The following MUC5AC variants were observed in gnomAD, a reference collection of about 807,000 sequenced individuals.
MUC5AC encodes mucin-5AC.
In MUC5AC, 158 loss-of-function variants were observed where a neutral mutation model predicts 169.7. That is an observed-to-expected ratio of 0.93 (90% CI 0.82 to 1.06). MUC5AC has a LOEUF of 1.06. Among genes scored for constraint, MUC5AC ranks in the 50% least tolerant of loss-of-function variants. The pLI is 0.00. For synonymous variants in MUC5AC, 1,975 were observed against 1,237.0 expected, an observed-to-expected ratio of 1.60 and a Z score of -12.52; for missense variants, 4,359 against 3,089.9, an observed-to-expected ratio of 1.41 and a Z score of -9.74.
chr11:1,160,107 A>T (rs1468907027), intron 1 of MUC5AC, among the ~76,000 whole-genome samples: 1 of 152,050 alleles, frequency 6.6e-6, no homozygotes, highest in Non-Finnish European at 1.5e-5. Context: ...AAATCTGGTG[A>T]CATTCTGCAC....
Position 1,185,505 on chromosome 11 carries a change from C to T in MUC5AC, c.7360C>T (p.Pro2454Ser). The T allele has an allele frequency of 1.4e-6, 1 of 724,938 alleles. No homozygotes were observed. Among genetic ancestry groups the T allele is most frequent in the Middle Eastern group, 2.3e-4 (1 of 4,362 alleles). The allele number at this position is 724,938 out of a possible 1,614,324, so 44.9% of individuals were successfully genotyped here. A position where few individuals can be genotyped will look rare whatever the true frequency, so the allele number is the denominator to read the frequency against. Residue 2454 changes from proline to serine, a missense_variant, in exon 31 of 49, where the codon CCT becomes TCT. Transcript: ENST00000621226. ...TTCTGGTCCTGGAACTACCCCAAGC[C>T]CTGTTCCCACGACCAGCACAACCTC... is the stretch of plus-strand genomic sequence containing the variant. Reference protein sequence around the residue: ...TTSGPGTTPSPVPTTSTTSAP... With the variant: ...TTSGPGTTPSSVPTTSTTSAP...
At position 1,168,472 on chromosome 11, in the gene MUC5AC, G is replaced by T; in HGVS notation, c.1498-11G>T. On this transcript the variant is annotated splice_polypyrimidine_tract_variant and intron_variant, in intron 12 of 48. Coordinates refer to ENST00000621226, the MANE Select transcript of MUC5AC (RefSeq NM_001304359.2). ...TGCCCCGCGCTCACACATCTGTCTG[G>T]CTGCCCTCAGGTGGTGGTGATCAAG... 6.2e-7 allele frequency: 1 copy of T among 1,611,820 alleles called. No homozygotes were observed. Among genetic ancestry groups the T allele is most frequent in the Middle Eastern group, 1.6e-4 (1 of 6,062 alleles).
chr11:1,174,337 AG>A (rs1860622022), intron 16 of MUC5AC, among the ~76,000 whole-genome samples, 158 bp from the exon 17 acceptor site: 4 of 152,302 alleles, frequency 2.6e-5, no homozygotes, highest in African/African-American at 9.6e-5. Context: ...AATTCTGCTG[AG>A]GGGGCAGGAT....
At chr11:1,176,689 T>TG (rs1465745360) in intron 21 of MUC5AC, 24 bp downstream of exon 21, 6 of 398,474 alleles carry the variant, frequency 1.5e-5, no homozygotes, top group Non-Finnish European at 2.2e-5. Flanking sequence ...TCAAAGCCCA[T>TG]GGGGGGTGTC....
chr11:1,199,060 C>G (rs781438979), intron 44 of MUC5AC, 27 bp from the exon 45 acceptor site: 1 of 763,500 alleles, frequency 1.3e-6, no homozygotes, highest in East Asian at 2.4e-5. Flanking sequence ...CGCCTGGATT[C>G]CAGCCACATG....
In MUC5AC at chr11:1,192,059, C is replaced by T. The variant is rs200981907; in HGVS notation, c.13914C>T (p.Asp4638=). 10 of 765,010 alleles carry T rather than the reference C, an allele frequency of 1.3e-5. No individual in the cohort carries two copies. Among genetic ancestry groups the T allele is most frequent in the African/African-American group, 3.4e-5 (2 of 59,140 alleles). 47.4% of individuals were successfully genotyped at this position (765,010 alleles called of 1,614,324 possible). Residue 4638 remains aspartate (D), a synonymous_variant, in exon 31 of 49, where the codon GAC becomes GAT. Coordinates refer to ENST00000621226, the MANE Select transcript of MUC5AC (RefSeq NM_001304359.2). Reference sequence around the variant, plus strand: ...TGTGCGCCTGGACAAAGTGGTTCGACGTGGACTTCCCATCCCCTGGACCCC... The same window carrying T: ...TGTGCGCCTGGACAAAGTGGTTCGATGTGGACTTCCCATCCCCTGGACCCC... ...HPLCAWTKWF[D]VDFPSPGPHG... is the part of the protein sequence containing the mutation.
Position 1,187,982 on chromosome 11 carries a change from G to C in MUC5AC, c.9837G>C (p.Val3279=). Reference sequence around the variant, plus strand: ...GCCGAGCCGAGAGCCACCCGGAGGTGAGCATTGAACACCTGGGCCAGGTGG... The same window carrying C: ...GCCGAGCCGAGAGCCACCCGGAGGTCAGCATTGAACACCTGGGCCAGGTGG... The part of the protein sequence containing the change: ...LQCRAESHPE[V]SIEHLGQVVQ... Residue 3279 remains valine (V), a synonymous_variant, in exon 31 of 49, where the codon GTG becomes GTC. Coordinates refer to ENST00000621226, the MANE Select transcript of MUC5AC (RefSeq NM_001304359.2). The C allele has an allele frequency of 1.3e-6, 1 of 758,538 alleles. No homozygotes were observed. The highest frequency in any genetic ancestry group is 2.4e-5 in the East Asian group (1 of 41,236). 47.0% of individuals were successfully genotyped at this position (758,538 alleles called of 1,614,324 possible).
chr11:1,168,031 GC>G (rs1363585887), intron 12 of MUC5AC, 44 bp downstream of exon 12: 1 of 1,491,230 alleles, frequency 6.7e-7, no homozygotes, highest in African/African-American at 1.4e-5. Context: ...GAGGGAAGGG[GC>G]CTGTCTCTTC....
Position 1,168,959 on chromosome 11 carries a change from G to A in MUC5AC, c.1803G>A (p.Lys601=). ...ATAAAFFNTF[K]TQAACPNIRN... is the part of the protein sequence containing the mutation. ...CTGCGGCCTTCTTCAACACCTTCAAGACCCAGGCCGCCTGCCCCAACATCA... is the reference window on the plus strand; with the variant it reads ...CTGCGGCCTTCTTCAACACCTTCAAAACCCAGGCCGCCTGCCCCAACATCA... The change falls in exon 15 of 49, where the codon AAG becomes AAA. Residue 601 remains lysine (K), a synonymous_variant. Transcript: ENST00000621226. 1 of 1,611,444 alleles carries A rather than the reference G, an allele frequency of 6.2e-7. No individual in the cohort carries two copies. Among genetic ancestry groups the A allele is most frequent in the South Asian group, 1.1e-5 (1 of 90,972 alleles).
At position 1,180,007 on chromosome 11, in the gene MUC5AC, C is replaced by G; in HGVS notation, c.3485-15C>G. 1 of 398,796 alleles carries G rather than the reference C, an allele frequency of 2.5e-6. No homozygotes were observed. The allele number at this position is 398,796 out of a possible 1,614,324, so 24.7% of individuals were successfully genotyped here. On this transcript the variant is annotated splice_polypyrimidine_tract_variant and intron_variant, in intron 26 of 48. Coordinates refer to ENST00000621226, the MANE Select transcript of MUC5AC (RefSeq NM_001304359.2). Reference sequence around the variant, plus strand: ...GTTCCTGGGACCCCACCGAGCCCTTCCTTCCTCCCTGCAGCTCTGTTCTGC... The same window carrying G: ...GTTCCTGGGACCCCACCGAGCCCTTGCTTCCTCCCTGCAGCTCTGTTCTGC...
In MUC5AC at chr11:1,189,505, C is replaced by G. The variant is rs1861033485; in HGVS notation, c.11360C>G (p.Pro3787Arg). The G allele has an allele frequency of 1.7e-6, 1 of 595,674 alleles. No homozygotes were observed. The highest frequency in any genetic ancestry group is 3.0e-6 in the Non-Finnish European group (1 of 335,366). 36.9% of individuals were successfully genotyped at this position (595,674 alleles called of 1,614,324 possible). ...SAPTTSTTSAPITSTISAPTT... is the reference protein window; with the variant it reads ...SAPTTSTTSARITSTISAPTT... ...CCTACAACTAGCACTACCTCTGCTC[C>G]CATAACCAGCACAATCTCTGCCCCT... The change falls in exon 31 of 49, where the codon CCC becomes CGC. Residue 3787 changes from proline (P) to arginine (R), a missense_variant. Coordinates refer to ENST00000621226, the MANE Select transcript of MUC5AC (RefSeq NM_001304359.2).
In MUC5AC at chr11:1,170,178, C is replaced by T. The variant is rs1860462210; in HGVS notation, c.1870+1152C>T. On this transcript the variant is annotated intron_variant, in intron 15 of 48. Transcript: ENST00000621226. ...ACCCATTCACTCACTCACCCACTCA[C>T]CCATTCACCCATTCACTCACTCACC... Among the ~76,000 whole-genome samples, 2 of 57,410 alleles carry T rather than the reference C, an allele frequency of 3.5e-5. 1 individual carries two copies. Among genetic ancestry groups the T allele is most frequent in the Admixed American group, 2.7e-4 (2 of 7,412 alleles). 37.7% of individuals were successfully genotyped at this position (57,410 alleles called of 152,430 possible).
chr11:1,190,328 C>T lies in MUC5AC; in HGVS notation c.12183C>T (p.Ser4061=), dbSNP rs1313736318. Residue 4061 remains serine (S), a synonymous_variant, in exon 31 of 49, where the codon TCC becomes TCT. Coordinates refer to ENST00000621226, the MANE Select transcript of MUC5AC (RefSeq NM_001304359.2). ...CCCCCAAAGGCTGCCCCGTGACCTC[C>T]ACACCTGTGACAGCTCCTAGCACCC... is the stretch of plus-strand genomic sequence containing the variant. ...CETPKGCPVT[S]TPVTAPSTPS... The T allele has an allele frequency of 1.9e-5, 13 of 670,080 alleles. No homozygotes were observed. Among genetic ancestry groups the T allele is most frequent in the Non-Finnish European group, 3.2e-5 (12 of 371,342 alleles). 41.5% of individuals were successfully genotyped at this position (670,080 alleles called of 1,614,324 possible).
At chr11:1,166,242 C>G (rs1217578434) in intron 11 of MUC5AC, among the ~76,000 whole-genome samples, 1 of 146,296 alleles carries the variant, frequency 6.8e-6, no homozygotes, top group Non-Finnish European at 1.5e-5. Flanking sequence ...AACACACAGT[C>G]TCCCTATGGT....
rs1219611076 is a variant in MUC5AC at position 1,183,231 on chromosome 11, C to T, written c.5086C>T (p.Pro1696Ser). Residue 1696 changes from proline (P) to serine (S), a missense_variant, in exon 31 of 49, where the codon CCA (proline) becomes TCA (serine). By Grantham distance (74) the Pro-to-Ser change is moderately conservative. Transcript: ENST00000621226. ...CGCAACGACACGGCCGACTCCACAT[C>T]CAACCGGAGCTCAGACCCAGACCAC... ...TVATTRPTPH[P>S]TGAQTQTTFT... The T allele has an allele frequency of 2.6e-6, 1 of 382,820 alleles. No homozygotes were observed. The allele number at this position is 382,820 out of a possible 1,614,324, so 23.7% of individuals were successfully genotyped here. A position where few individuals can be genotyped will look rare whatever the true frequency, so the allele number is the denominator to read the frequency against.
chr11:1,161,839 G>T, intron 3 of MUC5AC, 68 bp from the exon 4 acceptor site: 1 of 1,544,186 alleles, frequency 6.5e-7, no homozygotes. Flanking sequence ...GAGGTACAGG[G>T]CAGAGGCAGG....
At chr11:1,167,374 C>A (rs552695411) in intron 11 of MUC5AC, among the ~76,000 whole-genome samples, 1 of 152,332 alleles carries the variant, frequency 6.6e-6, no homozygotes, top group African/African-American at 2.4e-5. Flanking sequence ...TGAGACCCTG[C>A]ACCCAATACA....
At position 1,187,164 on chromosome 11, in the gene MUC5AC, G is replaced by T. The variant is rs1476640951; in HGVS notation, c.9019G>T (p.Ala3007Ser). Reference protein sequence around the residue: ...TSAPTTSTISAPTTSTPSAPT... With the variant: ...TSAPTTSTISSPTTSTPSAPT... ...TGCCCCTACAACCAGCACAATCTCG[G>T]CCCCAACAACCAGCACACCCTCTGC... Residue 3007 changes from alanine to serine, a missense_variant, in exon 31 of 49, where the codon GCC becomes TCC. By Grantham distance (99) the Ala-to-Ser change is moderately conservative. Transcript: ENST00000621226. 1.2e-4 allele frequency: 82 copies of T among 703,906 alleles called. No individual in the cohort carries two copies. Among genetic ancestry groups the T allele is most frequent in the Non-Finnish European group, 1.9e-4 (75 of 388,138 alleles). 43.6% of individuals were successfully genotyped at this position (703,906 alleles called of 1,614,324 possible).
At position 1,185,648 on chromosome 11, in the gene MUC5AC, C is replaced by T. The variant is rs1341656924; in HGVS notation, c.7503C>T (p.Thr2501=). The change falls in exon 31 of 49, where the codon ACC becomes ACT. Residue 2501 remains threonine (T), a synonymous_variant. Transcript: ENST00000621226. ...GACCTGTTCCTACCACCAGCACAAC[C>T]TCTTCTCCTACAACCAGCACAACCT... is the stretch of plus-strand genomic sequence containing the variant. ...TPRPVPTTST[T]SSPTTSTTSA... is the part of the protein sequence containing the mutation. 3.0e-4 allele frequency: 221 copies of T among 739,054 alleles called. 1 individual carries two copies. Among genetic ancestry groups the T allele is most frequent in the Middle Eastern group, 3.0e-3 (13 of 4,400 alleles). 45.8% of individuals were successfully genotyped at this position (739,054 alleles called of 1,614,324 possible).
Sources: gnomAD v4.1 joint callset for allele counts (sites outside exome capture counted in the v4.1 genomes callset) on GRCh38, gnomAD v4.1.1 for gene constraint, MANE v1.5 for transcripts, NCBI Gene and HGNC (gene_info 2026-07-23, HGNC 2026-07-21) for gene names.